CDH1: variants seen among roughly 807,000 people sequenced by gnomAD.
CDH1 encodes the protein cadherin-1.
A neutral mutation model predicts 84.5 loss-of-function variants in CDH1; 35 were observed. That is an observed-to-expected ratio of 0.41 (90% CI 0.32 to 0.55). The LOEUF is 0.55. CDH1 is among the 20% of genes least tolerant of loss of function. The pLI is 0.19. For synonymous variants in CDH1, 417 were observed against 439.0 expected (o/e 0.95, Z 0.63); for missense variants, 994 against 1,126.6 (o/e 0.88, Z 1.68).
At chr16:68,815,101 C>T (rs1455799363) in intron 9 of CDH1, among the ~76,000 whole-genome samples, 1 of 151,802 alleles carries the variant, frequency 6.6e-6, no homozygotes, top group Non-Finnish European at 1.5e-5. Context: ...GTGGCGGGCT[C>T]CTGTAATCCC....
At chr16:68,809,067 T>G in intron 5 of CDH1, 8 of 577,466 alleles carry the variant, frequency 1.4e-5, no homozygotes, top group South Asian at 1.4e-4. Flanking sequence ...AGAATCCGCA[T>G]GCATCCTCAT....
In CDH1 at chr16:68,822,085, C is replaced by T. The variant is rs377302798; in HGVS notation, c.1796C>T (p.Thr599Ile). Residue 599 changes from threonine (T) to isoleucine (I), a missense_variant, in exon 12 of 16, where the codon ACT (threonine) becomes ATT (isoleucine). Physicochemically the swap from Thr to Ile is moderately conservative, Grantham distance 89. Transcript: ENST00000261769. Reference sequence around the variant, plus strand: ...AACGCCCCCATACCAGAACCTCGAACTATATTCTTCTGTGAGAGGAATCCA... The same window carrying T: ...AACGCCCCCATACCAGAACCTCGAATTATATTCTTCTGTGAGAGGAATCCA... ...NDNAPIPEPR[T>I]IFFCERNPKP... is the part of the protein sequence containing the mutation. 1 of 1,614,062 alleles carries T rather than the reference C, an allele frequency of 6.2e-7. No homozygotes were observed. The highest frequency in any genetic ancestry group is 1.3e-5 in the African/African-American group (1 of 74,918).
intron 2 of CDH1, among the ~76,000 whole-genome samples, chr16:68,757,256 T>G (rs1440001007): frequency 6.6e-6 from 1 of 152,098 alleles, no homozygotes; most frequent in Non-Finnish European, 1.5e-5. Context: ...GCCCGGCTAA[T>G]TTTTGTATTT....
In CDH1 at chr16:68,760,087, T is replaced by TATA. The variant is rs1555511679; in HGVS notation, c.163+21676_163+21677insATA. Among the ~76,000 whole-genome samples, 427 of 103,250 alleles carry TATA rather than the reference T, an allele frequency of 4.1e-3. 2 individuals carry two copies. The highest frequency in any genetic ancestry group is 0.011 in the Middle Eastern group (2 of 184). 67.7% of individuals were successfully genotyped at this position (103,250 alleles called of 152,430 possible). A position where few individuals can be genotyped will look rare whatever the true frequency, so the allele number is the denominator to read the frequency against. ...TTGTAAAGTATTCCATATATATATATTTTTTTTTTTTTTTTAATTTTTTTT... is the reference window on the plus strand; with the variant it reads ...TTGTAAAGTATTCCATATATATATATATATTTTTTTTTTTTTTTAATTTTTTTT... On this transcript the variant is annotated intron_variant, in intron 2 of 15. Coordinates refer to ENST00000261769, the MANE Select transcript of CDH1 (RefSeq NM_004360.5).
chr16:68,774,590 C>G (rs1413073586), intron 2 of CDH1, among the ~76,000 whole-genome samples: 3 of 152,026 alleles, frequency 2.0e-5, no homozygotes, highest in Non-Finnish European at 4.4e-5. Flanking sequence ...TGCACTCCAT[C>G]CTGGGTGACA....
chr16:68,738,955 TTTTTTTTTTA>T (rs1962482170), intron 2 of CDH1, among the ~76,000 whole-genome samples: 1 of 98,720 alleles, frequency 1.0e-5, no homozygotes, highest in Non-Finnish European at 2.1e-5. Flanking sequence ...TTTTTTTTTT[TTTTTTTTTTA>T]AAGACAGGGT....
chr16:68,773,679 G>A (rs1438413761), intron 2 of CDH1, among the ~76,000 whole-genome samples: 4 of 152,324 alleles, frequency 2.6e-5, no homozygotes, highest in Admixed American at 6.5e-5. Flanking sequence ...AGAACTGACT[G>A]TATTATCTCC....
chr16:68,816,754 C>CA (rs931763879), intron 10 of CDH1, among the ~76,000 whole-genome samples: 7 of 150,096 alleles, frequency 4.7e-5, no homozygotes, highest in African/African-American at 1.7e-4. Flanking sequence ...ATCTCAAAAA[C>CA]AAAAAACAAA....
intron 2 of CDH1, among the ~76,000 whole-genome samples, chr16:68,783,118 C>T (rs910825842): frequency 4.6e-5 from 7 of 151,828 alleles, no homozygotes; most frequent in African/African-American, 7.3e-5. Flanking sequence ...GAAAAAGGGC[C>T]GGGAGTGGTG....
intron 2 of CDH1, among the ~76,000 whole-genome samples, chr16:68,795,010 G>C (rs1442963770): frequency 6.6e-6 from 1 of 152,060 alleles, no homozygotes; most frequent in East Asian, 1.9e-4. Flanking sequence ...TAACTTTTTA[G>C]ATTTTCTTTT....
intron 2 of CDH1, among the ~76,000 whole-genome samples, chr16:68,780,236 C>T (rs1471816298): frequency 6.6e-6 from 1 of 151,954 alleles, no homozygotes; most frequent in Non-Finnish European, 1.5e-5. Flanking sequence ...TTGCCTTTGA[C>T]ATGGCACACC....
At chr16:68,783,928 C>T (rs113055842) in intron 2 of CDH1, among the ~76,000 whole-genome samples, 3 of 152,148 alleles carry the variant, frequency 2.0e-5, no homozygotes, top group East Asian at 1.9e-4. Context: ...CTACCCACCT[C>T]GGCCTCCCAA....
At chr16:68,793,632 C>T (rs1424986946) in intron 2 of CDH1, among the ~76,000 whole-genome samples, 1 of 152,334 alleles carries the variant, frequency 6.6e-6, no homozygotes, top group Middle Eastern at 3.4e-3. Context: ...TGGCTCATAC[C>T]TGTAATCCCA....
chr16:68,744,725 G>C (rs1038478598), intron 2 of CDH1, among the ~76,000 whole-genome samples: 1 of 152,164 alleles, frequency 6.6e-6, no homozygotes, highest in Non-Finnish European at 1.5e-5. Flanking sequence ...CAAGGACTTA[G>C]TTTCCCTCTC....
intron 15 of CDH1, among the ~76,000 whole-genome samples, chr16:68,831,289 C>T (rs1961478837): frequency 6.7e-6 from 1 of 149,402 alleles, no homozygotes; most frequent in African/African-American, 2.5e-5. Flanking sequence ...CAGGGTTTCA[C>T]CATGTTAACC....
chr16:68,800,127 T>C (rs1960458493), intron 2 of CDH1, among the ~76,000 whole-genome samples: 1 of 150,376 alleles, frequency 6.6e-6, no homozygotes, highest in African/African-American at 2.4e-5. Context: ...ACTGGTTGAG[T>C]CCAGGAGTTC....
rs936212743 is a variant in CDH1, at chr16:68,782,976, T to C, written c.164-18694T>C. 4.6e-5 allele frequency among the ~76,000 whole-genome samples: 7 copies of C among 152,174 alleles called. No homozygotes were observed. In the South Asian group the frequency reaches 1.0e-3, roughly 23 times the overall value. Reference sequence around the variant, plus strand: ...CAGAGAAGGACTATATAGTCTCCCATATCCTAAGTGTCTCATTTCTGAAAA... The same window carrying C: ...CAGAGAAGGACTATATAGTCTCCCACATCCTAAGTGTCTCATTTCTGAAAA... On this transcript the variant is annotated intron_variant, in intron 2 of 15. Coordinates refer to ENST00000261769, the MANE Select transcript of CDH1 (RefSeq NM_004360.5).
intron 2 of CDH1, among the ~76,000 whole-genome samples, chr16:68,785,735 A>C (rs1960029839): frequency 7.0e-6 from 1 of 143,794 alleles, no homozygotes; most frequent in Non-Finnish European, 1.5e-5. Flanking sequence ...CAGAGCATAA[A>C]GAGCTTTTTT....
chr16:68,828,198 T>G lies in CDH1; in HGVS notation c.2189T>G (p.Phe730Cys). The change falls in exon 14 of 16, where the codon TTT becomes TGT. Residue 730 changes from phenylalanine (F) to cysteine (C), a missense_variant. Phe to Cys is a radical substitution (Grantham distance 205, BLOSUM62 -2). Around this residue, in one of 3 missense-constraint regions of CDH1, gnomAD observed 769 missense variants for 881.8 expected, o/e 0.87. Transcript: ENST00000261769. Reference protein sequence around the residue: ...LLILILLLLLFLRRRAVVKEP... With the variant: ...LLILILLLLLCLRRRAVVKEP... ...GTTCTGATTCTGCTGCTCTTGCTGTTTCTTCGGAGGAGAGCGGTGGTCAAA... is the reference window on the plus strand; with the variant it reads ...GTTCTGATTCTGCTGCTCTTGCTGTGTCTTCGGAGGAGAGCGGTGGTCAAA... 1.2e-6 allele frequency: 2 copies of G among 1,614,020 alleles called. No homozygotes were observed. The highest frequency in any genetic ancestry group is 1.1e-5 in the South Asian group (1 of 91,062).
Sources: gnomAD v4.1 joint callset for allele counts (sites outside exome capture counted in the v4.1 genomes callset) on GRCh38, gnomAD v4.1.1 for gene constraint, gnomAD v4.1.1 regional missense constraint, MANE v1.5 for transcripts, NCBI Gene and HGNC (gene_info 2026-07-23, HGNC 2026-07-21) for gene names.